The following TRIM37 variants were observed in gnomAD, a reference collection of about 807,000 sequenced individuals.
The protein encoded by TRIM37 is tripartite motif containing 37.
TRIM37 carries 80 observed loss-of-function variants against 129.8 expected under a neutral mutation model. The ratio of observed to expected loss-of-function variants is 0.62; its 90% confidence interval spans 0.51 to 0.74. TRIM37 has a LOEUF of 0.74. Among genes scored for constraint, TRIM37 ranks in the 30% least tolerant of loss-of-function variants. The pLI is 0.00. For synonymous variants in TRIM37, 389 were observed against 387.1 expected (o/e 1.00, Z -0.06); for missense variants, 1,054 against 1,176.5 (o/e 0.90, Z 1.52).
chr17:58,980,285 T>G (rs778690965), downstream of TRIM37: 3 of 1,614,164 alleles, frequency 1.9e-6, no homozygotes, highest in South Asian at 1.1e-5. The surrounding 1 kb of genome is among the most constrained non-coding windows in gnomAD (Gnocchi z 4.7). Context: ...AGAGAACTCT[T>G]TTCAAGGAGG....
At position 59,049,286 on chromosome 17, in the gene TRIM37, C is replaced by A. The variant is rs1226106897; in HGVS notation, c.1422G>T (p.Lys474Asn). 6.2e-7 allele frequency: 1 copy of A among 1,614,030 alleles called. No homozygotes were observed. The highest frequency in any genetic ancestry group is 1.7e-5 in the Admixed American group (1 of 60,006). The change falls in exon 15 of 24, where the codon AAG becomes AAT. Residue 474 changes from lysine to asparagine, a missense_variant. Coordinates refer to ENST00000262294, the MANE Select transcript of TRIM37 (RefSeq NM_015294.6). ...NDDALETRAK[K>N]SACSDMLLEG... ...CGAGAAGCATGTCAGAGCATGCAGACTTCTTAGCTCGTGTCTCCAGAGCAT... is the reference window on the plus strand; with the variant it reads ...CGAGAAGCATGTCAGAGCATGCAGAATTCTTAGCTCGTGTCTCCAGAGCAT...
intron 12 of TRIM37, among the ~76,000 whole-genome samples, chr17:59,057,577 G>A (rs1018977656): frequency 2.6e-5 from 4 of 152,142 alleles, no homozygotes; most frequent in African/African-American, 9.7e-5. Flanking sequence ...AGGCTAGAGG[G>A]CAGTGGCGGG....
chr17:59,096,794 A>G (rs543886731), intron 2 of TRIM37, among the ~76,000 whole-genome samples: 12 of 152,166 alleles, frequency 7.9e-5, no homozygotes, highest in South Asian at 2.1e-4. Context: ...ATCCTCATTC[A>G]TAATGCTATA....
At chr17:58,983,307 ATAGAG>A (rs2031490529) in intron 24 of TRIM37, 1 of 169,154 alleles carries the variant, frequency 5.9e-6, no homozygotes, top group South Asian at 1.7e-4. Context: ...ATGCGTATTT[ATAGAG>A]TAGTTAGGTA....
intron 22 of TRIM37, 43 bp downstream of exon 22, chr17:59,012,285 G>T (rs749393887): frequency 1.7e-6 from 2 of 1,162,390 alleles, no homozygotes; most frequent in Admixed American, 3.7e-5. Context: ...AAAAGGGACA[G>T]AATTCTCATT....
chr17:59,103,576 A>G (rs558078926), intron 2 of TRIM37, among the ~76,000 whole-genome samples: 1 of 150,612 alleles, frequency 6.6e-6, no homozygotes, highest in Non-Finnish European at 1.5e-5. Flanking sequence ...TCCTGACACC[A>G]TGATCCACCC....
intron 22 of TRIM37, among the ~76,000 whole-genome samples, chr17:59,007,617 T>C (rs767663793): frequency 1.3e-5 from 2 of 151,710 alleles, no homozygotes; most frequent in Non-Finnish European, 2.9e-5. Flanking sequence ...TAAACTGGCC[T>C]ACCTACAGTT....
At chr17:59,066,429 C>T (rs1036550364) in intron 9 of TRIM37, among the ~76,000 whole-genome samples, 2 of 152,196 alleles carry the variant, frequency 1.3e-5, no homozygotes, top group South Asian at 4.1e-4. Context: ...ACTGTTATTT[C>T]TGCTCTAAGT....
chr17:59,007,580 G>A (rs2034704682), intron 22 of TRIM37, among the ~76,000 whole-genome samples: 1 of 152,068 alleles, frequency 6.6e-6, no homozygotes, highest in African/African-American at 2.4e-5. Flanking sequence ...AGAGAGCAAA[G>A]CCTTTAGTTT....
chr17:59,087,880 C>T (rs892322549), intron 4 of TRIM37: 2 of 220,922 alleles, frequency 9.1e-6, no homozygotes, highest in Admixed American at 5.2e-5. Context: ...CTCCCCATAA[C>T]AACTCTCCAG....
At chr17:59,056,660 G>A (rs1468274038) in intron 13 of TRIM37, among the ~76,000 whole-genome samples, 1 of 135,364 alleles carries the variant, frequency 7.4e-6, no homozygotes, top group Non-Finnish European at 1.5e-5. Flanking sequence ...AACCCGGGAG[G>A]CGGAGCTTGT....
chr17:59,037,005 C>T (rs1173840272), intron 17 of TRIM37, among the ~76,000 whole-genome samples: 3 of 151,706 alleles, frequency 2.0e-5, no homozygotes. Context: ...GTCCCAACTA[C>T]CTGGGAGGCT....
intron 3 of TRIM37, among the ~76,000 whole-genome samples, chr17:59,090,375 T>C (rs1352705358): frequency 6.6e-6 from 1 of 151,960 alleles, no homozygotes; most frequent in African/African-American, 2.4e-5. Flanking sequence ...AAAAAGCATA[T>C]GGGAATCACA....
At chr17:59,042,547 G>C (rs1401613422) in intron 16 of TRIM37, among the ~76,000 whole-genome samples, 2 of 149,602 alleles carry the variant, frequency 1.3e-5, no homozygotes, top group East Asian at 3.9e-4. Flanking sequence ...AGGATCACCT[G>C]AGGTCAGGAT....
chr17:59,056,937 G>A lies in TRIM37; in HGVS notation c.1137C>T (p.Phe379=). The stretch of plus-strand genomic sequence containing the variant: ...CTTCATTTGCGAGTAAGTCCAAACG[G>A]AAAAATCTATTATAGCCCCAGCATT... ...VGECWGYNRF[F]RLDLLANEGY... Residue 379 remains phenylalanine (F), a synonymous_variant, in exon 13 of 24, where the codon TTC becomes TTT. Coordinates refer to ENST00000262294, the MANE Select transcript of TRIM37 (RefSeq NM_015294.6). 1 of 1,613,670 alleles carries A rather than the reference G, an allele frequency of 6.2e-7. No individual in the cohort carries two copies.
Position 59,012,440 on chromosome 17 carries a change from A to G in TRIM37, c.2583T>C (p.Asn861=), listed in dbSNP as rs2035407248. The G allele has an allele frequency of 6.3e-7, 1 of 1,598,246 alleles. No individual in the cohort carries two copies. The change falls in exon 22 of 24, where the codon AAT becomes AAC. Residue 861 remains asparagine (N), a synonymous_variant. Transcript: ENST00000262294. ...KRRKMVTLGA[N]AKGGHLEGLQ... ...GTCCTTCCAGATGACCTCCTTTAGC[A>G]TTAGCCCTCAAAGAAGAAAACAACT...
chr17:59,050,597 A>C (rs567809900), intron 14 of TRIM37, among the ~76,000 whole-genome samples: 2 of 152,206 alleles, frequency 1.3e-5, no homozygotes, highest in East Asian at 3.9e-4. Flanking sequence ...TGGGAAGATC[A>C]CCCGAGCTTG....
At chr17:59,056,612 C>T (rs918134566) in intron 13 of TRIM37, among the ~76,000 whole-genome samples, 1 of 148,070 alleles carries the variant, frequency 6.8e-6, no homozygotes, top group Non-Finnish European at 1.5e-5. Flanking sequence ...CGCCTGTAGT[C>T]CCAGCTACTC....
intron 4 of TRIM37, among the ~76,000 whole-genome samples, chr17:59,087,455 TTTC>T (rs926864790): frequency 5.8e-5 from 8 of 138,024 alleles, no homozygotes; most frequent in Middle Eastern, 3.5e-3. Context: ...ATTAAGCCTC[TTTC>T]TTTTTTTTTT....
Sources: allele counts gnomAD v4.1 joint callset (sites outside exome capture counted in the v4.1 genomes callset), GRCh38; gene constraint gnomAD v4.1.1; non-coding constraint Gnocchi (gnomAD v3.1); transcripts MANE v1.5; gene names NCBI Gene and HGNC (gene_info 2026-07-23, HGNC 2026-07-21).